The following PMVK variants were observed in gnomAD, a reference collection of about 807,000 sequenced individuals.
PMVK encodes the protein phosphomevalonate kinase, also known as testis tissue sperm-binding protein Li 95mP.
PMVK carries 10 observed loss-of-function variants against 19.0 expected under a neutral mutation model. That is an observed-to-expected ratio of 0.53 (90% CI 0.32 to 0.89). PMVK has a LOEUF of 0.89. Ranked by LOEUF, PMVK falls within the 40% of genes least tolerant of loss-of-function variation. PMVK has a pLI of 0.03. For synonymous variants in PMVK, 108 were observed against 101.6 expected (o/e 1.06, Z -0.38); for missense variants, 222 against 251.1 (o/e 0.88, Z 0.78).
intron 2 of PMVK, 77 bp from the exon 3 acceptor site, chr1:154,929,253 C>A (rs1654265425): frequency 1.5e-6 from 2 of 1,327,126 alleles, no homozygotes. Flanking sequence ...GAAGAGCCAT[C>A]CCTCACCCTC....
intron 1 of PMVK, chr1:154,936,279 G>C: frequency 1.9e-6 from 1 of 536,594 alleles, no homozygotes; most frequent in Non-Finnish European, 2.4e-6. Context: ...GCGGGGTCTC[G>C]CCATGTTGCC....
intron 3 of PMVK, among the ~76,000 whole-genome samples, chr1:154,926,899 C>A (rs1183911068): frequency 6.6e-6 from 1 of 152,128 alleles, no homozygotes; most frequent in Admixed American, 6.5e-5. Flanking sequence ...AGTGTCTCAA[C>A]CTCAACACGG....
At chr1:154,929,639 C>A (rs140778419) in intron 2 of PMVK, among the ~76,000 whole-genome samples, 30 of 152,232 alleles carry the variant, frequency 2.0e-4, no homozygotes, top group African/African-American at 6.5e-4. Flanking sequence ...TTTCTCTCCC[C>A]CTTACCCCTT....
chr1:154,926,440 C>A lies in PMVK; in HGVS notation c.356G>T (p.Arg119Leu), dbSNP rs765603571. The A allele has an allele frequency of 1.2e-6, 2 of 1,613,924 alleles. No homozygotes were observed. Among genetic ancestry groups the A allele is most frequent in the African/African-American group, 1.3e-5 (1 of 75,044 alleles). The stretch of plus-strand genomic sequence containing the variant: ...CTGCGTCACGGCCCCATAGGCCTCC[C>A]GAAACCACTGGATGTCAGACACTCT... Reference protein sequence around the residue: ...TRRVSDIQWFREAYGAVTQTV... With the variant: ...TRRVSDIQWFLEAYGAVTQTV... The change falls in exon 4 of 5, where the codon CGG becomes CTG. Residue 119 changes from arginine (R) to leucine (L), a missense_variant. Arg to Leu is a moderately radical substitution (Grantham distance 102). Coordinates refer to ENST00000368467, the MANE Select transcript of PMVK (RefSeq NM_006556.4).
In PMVK at chr1:154,929,179, G is replaced by C. The variant is rs374480001; in HGVS notation, c.160-3C>G. 18 of 1,613,752 alleles carry C rather than the reference G, an allele frequency of 1.1e-5. No homozygotes were observed. The highest frequency in any genetic ancestry group is 1.5e-5 in the Non-Finnish European group (18 of 1,179,800). ...CTCTGGAAGTTCAAGCCATGCTCCT[G>C]CCCAAAGGACATTATGTCTACGTCA... On this transcript the variant is annotated splice_region_variant and splice_polypyrimidine_tract_variant and intron_variant, in intron 2 of 4. Coordinates refer to ENST00000368467, the MANE Select transcript of PMVK (RefSeq NM_006556.4).
At chr1:154,934,003 A>G (rs1201715276) in intron 1 of PMVK, among the ~76,000 whole-genome samples, 3 of 151,928 alleles carry the variant, frequency 2.0e-5, no homozygotes, top group Admixed American at 1.3e-4. Flanking sequence ...GCACAGGAAG[A>G]TAAGTGCTGT....
In PMVK at chr1:154,936,648, A is replaced by T. The variant is rs1654515119; in HGVS notation, c.38T>A (p.Leu13Gln). The stretch of plus-strand genomic sequence containing the variant: ...CCCGGATTTCCTCTTGCCGCTGAAC[A>T]GCAGTACCAGCCGCGGGGCGCCTCC... ...PLGGAPRLVL[L>Q]FSGKRKSGKD... Residue 13 changes from leucine to glutamine, a missense_variant, in exon 1 of 5, where the codon CTG becomes CAG. Transcript: ENST00000368467. 6.2e-7 allele frequency: 1 copy of T among 1,609,018 alleles called. No individual in the cohort carries two copies. The highest frequency in any genetic ancestry group is 1.3e-5 in the African/African-American group (1 of 74,882).
At chr1:154,927,588 C>T (rs1339438469) in intron 3 of PMVK, among the ~76,000 whole-genome samples, 2 of 151,888 alleles carry the variant, frequency 1.3e-5, no homozygotes, top group East Asian at 1.9e-4. Flanking sequence ...CTGCTTAGAA[C>T]GCTGTAGTGA....
At chr1:154,926,865 A>G (rs1654179528) in intron 3 of PMVK, among the ~76,000 whole-genome samples, 1 of 152,154 alleles carries the variant, frequency 6.6e-6, no homozygotes, top group African/African-American at 2.4e-5. Context: ...TCAAATAACC[A>G]TGTGATTACA....
chr1:154,935,219 T>A (rs1189774337), intron 1 of PMVK, among the ~76,000 whole-genome samples: 2 of 151,540 alleles, frequency 1.3e-5, no homozygotes, highest in Non-Finnish European at 2.9e-5. Flanking sequence ...GGTTTGGAGG[T>A]GAGGAGAAAT....
intron 1 of PMVK, among the ~76,000 whole-genome samples, chr1:154,935,833 G>A (rs1206827545): frequency 6.6e-6 from 1 of 151,134 alleles, no homozygotes; most frequent in African/African-American, 2.5e-5. Flanking sequence ...TGGACTAGAG[G>A]TGCTCGCCAT....
At chr1:154,925,403 G>T in intron 4 of PMVK, 138 bp from the exon 5 acceptor site, 1 of 853,512 alleles carries the variant, frequency 1.2e-6, no homozygotes, top group South Asian at 1.5e-5. Context: ...CCACCCAGAA[G>T]GCACCTCCCT....
intron 3 of PMVK, among the ~76,000 whole-genome samples, chr1:154,927,137 C>G (rs1198766390): frequency 6.6e-6 from 1 of 152,056 alleles, no homozygotes; most frequent in Non-Finnish European, 1.5e-5. Flanking sequence ...GCGCCCCAAC[C>G]ATAGTCATTT....
At chr1:154,940,659 C>T (rs553911628), upstream of PMVK, among the ~76,000 whole-genome samples, 64 of 152,358 alleles carry the variant, frequency 4.2e-4, no homozygotes, top group African/African-American at 1.4e-3. Flanking sequence ...TTCCTCTTCA[C>T]CCAGTTGGCA....
chr1:154,938,241 C>T (rs1654570708), upstream of PMVK, among the ~76,000 whole-genome samples: 1 of 152,192 alleles, frequency 6.6e-6, no homozygotes, highest in African/African-American at 2.4e-5. Context: ...CCTCACCTGA[C>T]CCAATGCACG....
At chr1:154,930,160 C>A (rs1571380933) in intron 2 of PMVK, among the ~76,000 whole-genome samples, 1 of 152,160 alleles carries the variant, frequency 6.6e-6, no homozygotes, top group East Asian at 1.9e-4. Context: ...TTCCATGGAG[C>A]TTTTAAAAAT....
intron 4 of PMVK, among the ~76,000 whole-genome samples, chr1:154,926,105 A>C (rs951066950): frequency 7.9e-5 from 12 of 152,218 alleles, no homozygotes; most frequent in African/African-American, 2.9e-4. Context: ...CTGGAAAGCA[A>C]AGGTGAAGAA....
At chr1:154,926,955 C>T (rs536821012) in intron 3 of PMVK, among the ~76,000 whole-genome samples, 1 of 152,316 alleles carries the variant, frequency 6.6e-6, no homozygotes, top group Admixed American at 6.5e-5. Context: ...TTCCTCCCCA[C>T]CTTCCCTGTC....
chr1:154,939,768 T>C (rs1325403574), upstream of PMVK, among the ~76,000 whole-genome samples: 1 of 151,640 alleles, frequency 6.6e-6, no homozygotes, highest in Non-Finnish European at 1.5e-5. Flanking sequence ...ATGGCTTGTT[T>C]CTTTTCTTTT....
Sources: gnomAD v4.1 joint callset for allele counts (sites outside exome capture counted in the v4.1 genomes callset) on GRCh38, gnomAD v4.1.1 for gene constraint, MANE v1.5 for transcripts, NCBI Gene and HGNC (gene_info 2026-07-23, HGNC 2026-07-21) for gene names.